Variants in CELF2 observed in about 807,000 individuals in gnomAD.
CELF2 encodes CUG triplet repeat RNA-binding protein 2.
CELF2 carries 8 observed loss-of-function variants against 62.6 expected under a neutral mutation model. The ratio of observed to expected loss-of-function variants is 0.13; its 90% CI spans 0.07 to 0.23. The LOEUF (loss-of-function observed/expected upper bound fraction) is 0.23. CELF2 is among the 10% of genes least tolerant of loss of function. CELF2 has a pLI of 1.00. For synonymous variants in CELF2, 258 were observed against 250.0 expected (o/e 1.03, Z -0.30); for missense variants, 333 against 671.0 (o/e 0.50, Z 5.56).
intron 1 of CELF2, among the ~76,000 whole-genome samples, chr10:11,100,313 A>T (rs950520433): frequency 1.3e-5 from 2 of 152,140 alleles, no homozygotes; most frequent in Non-Finnish European, 2.9e-5. Context: ...GGTGATGCTA[A>T]TTGTAGAAAA....
the CELF2 span, among the ~76,000 whole-genome samples, chr10:10,611,331 T>C: frequency 2.0e-5 from 3 of 152,138 alleles, no homozygotes; most frequent in African/African-American, 4.8e-5. Flanking sequence ...CTTCCTTCCT[T>C]ATCTTACTTT....
At chr10:10,565,776 T>A in the CELF2 span, among the ~76,000 whole-genome samples, 1 of 152,216 alleles carries the variant, frequency 6.6e-6, no homozygotes, top group Non-Finnish European at 1.5e-5. Flanking sequence ...TGTGTGATCA[T>A]TAAAGATGGA....
chr10:10,496,350 T>A, the CELF2 span, among the ~76,000 whole-genome samples: 1 of 152,232 alleles, frequency 6.6e-6, no homozygotes, highest in African/African-American at 2.4e-5. Context: ...CTTTAGAAGC[T>A]ACCTTAATTT....
chr10:11,068,582 A>T lies in CELF2; in HGVS notation c.74+50419A>T, dbSNP rs186344793. Among the ~76,000 whole-genome samples, 1,332 of 150,710 alleles carry T rather than the reference A, an allele frequency of 8.8e-3. 19 individuals carry two copies. Among genetic ancestry groups the T allele is most frequent in the African/African-American group, 0.031 (1,279 of 40,968 alleles). ...CATTATTTCTGTTTTTTTTTTTGAG[A>T]CGGAGTCTTGCTCTGTCGCCCAGGC... On this transcript the variant is annotated intron_variant, in intron 1 of 12. Coordinates refer to ENST00000633077, the MANE Select transcript of CELF2 (RefSeq NM_001326342.2).
the CELF2 span, among the ~76,000 whole-genome samples, chr10:10,626,047 G>A: frequency 6.6e-6 from 1 of 152,006 alleles, no homozygotes; most frequent in African/African-American, 2.4e-5. Flanking sequence ...ATTCTGCTTT[G>A]ACCTAGAAAG....
chr10:10,903,126 C>T (rs1428473041), intron 1 of CELF2, among the ~76,000 whole-genome samples: 1 of 152,204 alleles, frequency 6.6e-6, no homozygotes, highest in African/African-American at 2.4e-5. Context: ...ATTTCCTAAT[C>T]TCACTAAGAC....
intron 7 of CELF2, among the ~76,000 whole-genome samples, chr10:11,273,385 AG>A (rs1373744501): frequency 1.3e-5 from 2 of 152,136 alleles, no homozygotes; most frequent in Non-Finnish European, 2.9e-5. Context: ...CACATGCTGA[AG>A]GGTCTAGGTT....
At chr10:10,795,751 T>A (rs1056375548), upstream of CELF2, among the ~76,000 whole-genome samples, 4 of 136,586 alleles carry the variant, frequency 2.9e-5, no homozygotes, top group Non-Finnish European at 4.6e-5. Flanking sequence ...GACTTTGAAA[T>A]TAAGAAAAAG....
rs1386389516 is a variant in CELF2, at chr10:11,331,769, C to G, written c.*2716C>G. ...TTTTTAACCACTCCGCACATCAGTG[C>G]TGTGAAGGCAACCTCACCATGTATT... On this transcript the variant is annotated 3_prime_UTR_variant, in exon 13 of 13. Transcript: ENST00000633077. 1 of 152,588 alleles carries G rather than the reference C, an allele frequency of 6.6e-6. No homozygotes were observed. Among genetic ancestry groups the G allele is most frequent in the African/African-American group, 2.4e-5 (1 of 41,412 alleles). 9.5% of individuals were successfully genotyped at this position (152,588 alleles called of 1,614,324 possible).
intron 2 of CELF2, among the ~76,000 whole-genome samples, chr10:10,940,792 G>A (rs547308479): frequency 1.3e-5 from 2 of 152,246 alleles, no homozygotes; most frequent in East Asian, 3.9e-4. Flanking sequence ...TGAAGGGTAG[G>A]GAGAAGAAGG....
At chr10:11,141,245 T>C (rs2061313757) in intron 1 of CELF2, among the ~76,000 whole-genome samples, 1 of 152,158 alleles carries the variant, frequency 6.6e-6, no homozygotes, top group African/African-American at 2.4e-5. Flanking sequence ...AGCAGAATAG[T>C]TCCCTGAGAA....
rs529711746 is a variant in CELF2, at chr10:11,223,721, C to G, written c.354+6214C>G. ...AAAGGGGTAGGGGCAGAGTGTAGAC[C>G]CAGCCCCAAGTCGGGCTCAGCCAGG... On this transcript the variant is annotated intron_variant, in intron 3 of 12. Coordinates refer to ENST00000633077, the MANE Select transcript of CELF2 (RefSeq NM_001326342.2). The surrounding 1 kb of genome is among the most constrained non-coding windows in gnomAD (Gnocchi z 5.1). 1.6e-4 allele frequency among the ~76,000 whole-genome samples: 24 copies of G among 152,124 alleles called. No individual in the cohort carries two copies. Among genetic ancestry groups the G allele is most frequent in the Middle Eastern group, 3.4e-3 (1 of 294 alleles).
chr10:10,596,013 A>T, the CELF2 span, among the ~76,000 whole-genome samples: 1 of 152,206 alleles, frequency 6.6e-6, no homozygotes, highest in Non-Finnish European at 1.5e-5. Flanking sequence ...CTACTGCTTC[A>T]ATAAAGCTGT....
chr10:11,147,354 G>C (rs1203912032), intron 1 of CELF2, among the ~76,000 whole-genome samples: 1 of 152,112 alleles, frequency 6.6e-6, no homozygotes, highest in Admixed American at 6.5e-5. Flanking sequence ...ACCAGTGTCT[G>C]GACAAGTCAA....
chr10:11,204,869 T>G (rs1016735042), intron 2 of CELF2, among the ~76,000 whole-genome samples: 6 of 152,198 alleles, frequency 3.9e-5, no homozygotes, highest in Non-Finnish European at 8.8e-5. Context: ...TCTTCCTCTA[T>G]TGTTGCTGAG....
intron 1 of CELF2, among the ~76,000 whole-genome samples, chr10:10,879,122 T>C (rs2061288231): frequency 1.3e-5 from 2 of 152,034 alleles, no homozygotes; most frequent in Admixed American, 1.3e-4. Flanking sequence ...GGTAATCAAA[T>C]GAAAACAGTT....
the CELF2 span, among the ~76,000 whole-genome samples, chr10:10,603,461 T>C: frequency 6.6e-6 from 1 of 152,234 alleles, no homozygotes; most frequent in African/African-American, 2.4e-5. Context: ...TGCTTTTACC[T>C]TGAGGCCACT....
At chr10:10,921,576 T>C (rs4387263) in intron 2 of CELF2, among the ~76,000 whole-genome samples, 45,684 of 151,604 alleles carry the variant, frequency 0.3, 7,692 homozygotes, top group East Asian at 0.72. Context: ...CCATGTCAGA[T>C]GTTTCCAAAA....
chr10:11,066,619 C>T lies in CELF2; in HGVS notation c.74+48456C>T, dbSNP rs139120126. On this transcript the variant is annotated intron_variant, in intron 1 of 12. Transcript: ENST00000633077. ...ACTTGTCAGCCTCAGGCTCTTTAAC[C>T]GTTCACATATGTAGTTGCCCAAAGG... Among the ~76,000 whole-genome samples, 39 of 152,210 alleles carry T rather than the reference C, an allele frequency of 2.6e-4. No homozygotes were observed. In the East Asian group the frequency reaches 6.6e-3, roughly 26 times the overall value.
Sources: allele counts gnomAD v4.1 joint callset (sites outside exome capture counted in the v4.1 genomes callset), GRCh38; gene constraint gnomAD v4.1.1; non-coding constraint Gnocchi (gnomAD v3.1); transcripts MANE v1.5; gene names NCBI Gene and HGNC (gene_info 2026-07-23, HGNC 2026-07-21).